Variants in PPP4R1 observed in about 807,000 individuals in gnomAD.
The protein encoded by PPP4R1 is protein phosphatase 4 regulatory subunit 1, also known as serine/threonine-protein phosphatase 4 regulatory subunit 1.
In PPP4R1, 42 loss-of-function variants were observed where a neutral mutation model predicts 111.2. The ratio of observed to expected loss-of-function variants is 0.38; its 90% CI spans 0.29 to 0.49. PPP4R1 has a LOEUF of 0.49. Among genes scored for constraint, PPP4R1 ranks in the 20% least tolerant of loss-of-function variants. PPP4R1 has a pLI of 0.97. For synonymous variants in PPP4R1, 409 were observed against 405.5 expected (o/e 1.01, Z -0.10); for missense variants, 1,012 against 1,161.6 (o/e 0.87, Z 1.87).
At chr18:9,601,206 T>G (rs1455247989) in intron 2 of PPP4R1, among the ~76,000 whole-genome samples, 2 of 68,034 alleles carry the variant, frequency 2.9e-5, no homozygotes, top group East Asian at 1.8e-3. Flanking sequence ...TTACTGTTGT[T>G]TTTTTTTTTG....
intron 19 of PPP4R1, among the ~76,000 whole-genome samples, chr18:9,548,654 T>C (rs181159375): frequency 1.8e-3 from 275 of 152,292 alleles, no homozygotes; most frequent in African/African-American, 5.8e-3. Context: ...CGGTGGGTCA[T>C]GCCTGTAATC....
intron 2 of PPP4R1, among the ~76,000 whole-genome samples, chr18:9,601,176 T>C (rs2067375250): frequency 1.3e-5 from 2 of 151,372 alleles, no homozygotes; most frequent in African/African-American, 4.9e-5. Flanking sequence ...CAATACAGTG[T>C]TCAAACCAGG....
At chr18:9,560,226 A>G (rs892616581) in intron 13 of PPP4R1, among the ~76,000 whole-genome samples, 4 of 152,220 alleles carry the variant, frequency 2.6e-5, no homozygotes, top group Non-Finnish European at 5.9e-5. Context: ...AGCTGCAGTG[A>G]GCTGGGATAG....
intron 2 of PPP4R1, among the ~76,000 whole-genome samples, chr18:9,597,409 C>T (rs1427216390): frequency 6.6e-6 from 1 of 152,140 alleles, no homozygotes; most frequent in Non-Finnish European, 1.5e-5. Flanking sequence ...GAGGAGGGAC[C>T]TTCACAGAGA....
At chr18:9,572,820 A>G (rs1324338585) in intron 10 of PPP4R1, among the ~76,000 whole-genome samples, 1 of 152,262 alleles carries the variant, frequency 6.6e-6, no homozygotes, top group Non-Finnish European at 1.5e-5. Flanking sequence ...TGAAAACATA[A>G]CACATTGTGA....
intron 11 of PPP4R1, among the ~76,000 whole-genome samples, chr18:9,564,405 C>T (rs565537575): frequency 2.0e-5 from 3 of 152,308 alleles, no homozygotes; most frequent in African/African-American, 7.2e-5. Flanking sequence ...TAAAATTTCT[C>T]ATCTAAGTAT....
At chr18:9,567,205 G>T (rs1228112487) in intron 11 of PPP4R1, among the ~76,000 whole-genome samples, 1 of 152,140 alleles carries the variant, frequency 6.6e-6, no homozygotes, top group Non-Finnish European at 1.5e-5. Context: ...TATGGAAGAA[G>T]GTAATTTCAA....
At chr18:9,550,786 G>A (rs931522053) in intron 16 of PPP4R1, 2 of 181,400 alleles carry the variant, frequency 1.1e-5, no homozygotes, top group African/African-American at 4.8e-5. Context: ...CCCGCAGAGG[G>A]AGGGAGTCCA....
rs1394273419 is a variant in PPP4R1, at chr18:9,614,494, GC to G, written c.-11del. On this transcript the variant is annotated 5_prime_UTR_variant, in exon 1 of 20. Transcript: ENST00000400556. The surrounding 1 kb of genome is among the most constrained non-coding windows in gnomAD (Gnocchi z 4.1). ...GCCACGTACCCGCCATCTTGTGGTCGCCCCCTCCTCCGCGGCCGCCCGGGGA... is the reference window on the plus strand; with the variant it reads ...GCCACGTACCCGCCATCTTGTGGTCGCCCCTCCTCCGCGGCCGCCCGGGGA... The G allele has an allele frequency of 4.9e-6, 5 of 1,029,094 alleles. No individual in the cohort carries two copies. The highest frequency in any genetic ancestry group is 1.5e-4 in the East Asian group (2 of 13,102). The allele number at this position is 1,029,094 out of a possible 1,614,324, so 63.7% of individuals were successfully genotyped here. A position where few individuals can be genotyped will look rare whatever the true frequency, so the allele number is the denominator to read the frequency against.
intron 15 of PPP4R1, among the ~76,000 whole-genome samples, chr18:9,554,121 C>A (rs2144991815): frequency 6.6e-6 from 1 of 151,234 alleles, no homozygotes; most frequent in South Asian, 2.1e-4. Context: ...ACTCAGCAAA[C>A]AACTAATTTT....
intron 13 of PPP4R1, among the ~76,000 whole-genome samples, chr18:9,561,607 G>C (rs2066678838): frequency 6.6e-6 from 1 of 152,146 alleles, no homozygotes; most frequent in Admixed American, 6.5e-5. Flanking sequence ...CTGAAATCGA[G>C]CTGTATTTTA....
chr18:9,568,934 T>C (rs1039426722), intron 11 of PPP4R1, among the ~76,000 whole-genome samples: 6 of 151,594 alleles, frequency 4.0e-5, no homozygotes, highest in African/African-American at 9.7e-5. Context: ...ACTTGAGAGG[T>C]TGAGGCCAAA....
chr18:9,592,080 AC>A (rs779985786), intron 4 of PPP4R1, among the ~76,000 whole-genome samples: 3 of 152,122 alleles, frequency 2.0e-5, no homozygotes, highest in Non-Finnish European at 2.9e-5. Context: ...AAAAACAAAA[AC>A]ACCCAATTAA....
chr18:9,571,791 A>C (rs1056395050), intron 10 of PPP4R1, among the ~76,000 whole-genome samples: 1 of 152,248 alleles, frequency 6.6e-6, no homozygotes, highest in Non-Finnish European at 1.5e-5. Context: ...ATGGATGACA[A>C]GGATGAAAGA....
chr18:9,592,009 G>A (rs1038248322), intron 4 of PPP4R1, among the ~76,000 whole-genome samples: 1 of 152,178 alleles, frequency 6.6e-6, no homozygotes, highest in African/African-American at 2.4e-5. Context: ...AGGGGTGGTT[G>A]CAGTGAGTGG....
intron 11 of PPP4R1, among the ~76,000 whole-genome samples, chr18:9,566,110 C>T (rs1598906744): frequency 6.6e-6 from 1 of 151,954 alleles, no homozygotes; most frequent in Non-Finnish European, 1.5e-5. Context: ...AGGGTTTCAC[C>T]ATGTTGGCCA....
intron 2 of PPP4R1, among the ~76,000 whole-genome samples, chr18:9,601,219 G>GAA (rs1167894771): frequency 7.1e-6 from 1 of 140,844 alleles, no homozygotes. Flanking sequence ...TTTTTTTGGG[G>GAA]AAAAAAAAAA....
chr18:9,593,496 T>A (rs1164062886), intron 4 of PPP4R1, among the ~76,000 whole-genome samples: 2 of 152,114 alleles, frequency 1.3e-5, no homozygotes, highest in African/African-American at 4.8e-5. Flanking sequence ...TTTTTATTAA[T>A]CCTAAAATAT....
intron 2 of PPP4R1, among the ~76,000 whole-genome samples, chr18:9,595,360 A>C (rs1465173661): frequency 6.6e-6 from 1 of 152,232 alleles, no homozygotes; most frequent in East Asian, 1.9e-4. Context: ...CTATAAGCAC[A>C]AAGTTCTACT....
Sources: gnomAD v4.1 joint callset for allele counts (sites outside exome capture counted in the v4.1 genomes callset) on GRCh38, gnomAD v4.1.1 for gene constraint, Gnocchi (gnomAD v3.1) non-coding constraint, MANE v1.5 for transcripts, NCBI Gene and HGNC (gene_info 2026-07-23, HGNC 2026-07-21) for gene names.